Variants in CNTNAP5 observed in about 807,000 individuals in gnomAD.
CNTNAP5 encodes contactin associated protein family member 5, also known as contactin-associated protein-like 5.
Under a neutral mutation model 150.2 loss-of-function variants are expected in CNTNAP5, and 72 were observed. The observed-to-expected ratio is 0.48, with a 90% CI of 0.40 to 0.58. CNTNAP5 has a LOEUF of 0.58. Among genes scored for constraint, CNTNAP5 ranks in the 20% least tolerant of loss-of-function variants. The pLI is 0.00. For missense variants in CNTNAP5, 1,636 were observed against 1,626.2 expected (o/e 1.01, Z -0.10); for synonymous variants, 672 against 619.8 (o/e 1.08, Z -1.25).
chr2:124,225,070 G>A (rs942498181), intron 2 of CNTNAP5, among the ~76,000 whole-genome samples: 10 of 152,152 alleles, frequency 6.6e-5, no homozygotes, highest in African/African-American at 2.4e-4. Context: ...GAATATACAT[G>A]CAGATGTAAA....
intron 6 of CNTNAP5, among the ~76,000 whole-genome samples, chr2:124,448,867 G>T (rs534226719): frequency 1.3e-5 from 2 of 152,166 alleles, no homozygotes; most frequent in Non-Finnish European, 2.9e-5. Context: ...CATAAATTGT[G>T]TGCTACAAGT....
intron 3 of CNTNAP5, among the ~76,000 whole-genome samples, chr2:124,313,799 G>A (rs1688891740): frequency 1.3e-5 from 2 of 152,178 alleles, no homozygotes; most frequent in Admixed American, 1.3e-4. Context: ...CAGGCAGGGG[G>A]AGTGATGGTG....
At chr2:124,780,394 G>A (rs534257151) in intron 17 of CNTNAP5, among the ~76,000 whole-genome samples, 3 of 152,124 alleles carry the variant, frequency 2.0e-5, no homozygotes, top group South Asian at 2.1e-4. Flanking sequence ...CCCTCCCTAC[G>A]CTGGATTTTA....
chr2:124,077,440 T>C (rs1187441545), intron 1 of CNTNAP5, among the ~76,000 whole-genome samples: 1 of 152,216 alleles, frequency 6.6e-6, no homozygotes, highest in East Asian at 1.9e-4. Context: ...ACATTTGTGT[T>C]GTCACAAATT....
Position 124,283,592 on chromosome 2 carries a change from TATTAAA to T in CNTNAP5, c.381+41200_381+41205del, listed in dbSNP as rs1427702870. Among the ~76,000 whole-genome samples the T allele has an allele frequency of 4.6e-5, 7 of 152,336 alleles. No individual in the cohort carries two copies. In the East Asian group the frequency reaches 7.7e-4, roughly 17 times the overall value. On this transcript the variant is annotated intron_variant, in intron 3 of 23. Coordinates refer to ENST00000682447, the MANE Select transcript of CNTNAP5 (RefSeq NM_001367498.1). The stretch of plus-strand genomic sequence containing the variant: ...ATGGAAACCTACTCTGTCTTGGCAA[TATTAAA>T]TTTTTGCTGAGAAGACTTGCCTTGA...
rs751909757 is a variant in CNTNAP5, at chr2:124,747,361, A to G, written c.2210A>G (p.Asn737Ser). Residue 737 changes from asparagine to serine, a missense_variant, in exon 14 of 24, where the codon AAT becomes AGT. Physicochemically the swap from Asn to Ser is conservative, Grantham distance 46. Transcript: ENST00000682447. ...TGCCTGGACATTCAGCACTTTTGCA[A>G]TTGCGACGCTGACAAGGATGAATGG... Reference protein sequence around the residue: ...ESCLDIQHFCNCDADKDEWTN... With the variant: ...ESCLDIQHFCSCDADKDEWTN... 7 of 1,613,678 alleles carry G rather than the reference A, an allele frequency of 4.3e-6. No homozygotes were observed. The highest frequency in any genetic ancestry group is 1.3e-5 in the African/African-American group (1 of 74,912).
intron 17 of CNTNAP5, among the ~76,000 whole-genome samples, chr2:124,774,402 T>A (rs1681276086): frequency 6.6e-6 from 1 of 152,100 alleles, no homozygotes; most frequent in Non-Finnish European, 1.5e-5. Flanking sequence ...GAGGATATCA[T>A]ATTCTCTCTT....
intron 3 of CNTNAP5, among the ~76,000 whole-genome samples, chr2:124,326,306 T>C (rs1573917624): frequency 6.6e-6 from 1 of 152,164 alleles, no homozygotes; most frequent in Non-Finnish European, 1.5e-5. Flanking sequence ...GATTTCAGCA[T>C]GATTTTTAAA....
rs1192564516 is a variant in CNTNAP5 at position 124,204,978 on chromosome 2, TA to T, written c.83-16725del. Among the ~76,000 whole-genome samples the T allele has an allele frequency of 3.9e-5, 6 of 152,146 alleles. No homozygotes were observed. In the East Asian group the frequency reaches 1.2e-3, roughly 29 times the overall value. On this transcript the variant is annotated intron_variant, in intron 1 of 23. Transcript: ENST00000682447. ...TGAGGCCAGGAAGTTCACTAAAATG[TA>T]AGGGCCTAGTGATATGTCCAGACTA...
At chr2:124,847,267 C>A (rs1289400525) in intron 19 of CNTNAP5, among the ~76,000 whole-genome samples, 1 of 152,140 alleles carries the variant, frequency 6.6e-6, no homozygotes, top group Non-Finnish European at 1.5e-5. Flanking sequence ...TTCAGCCTCT[C>A]TTTGGGCAGG....
chr2:124,144,055 G>T (rs1238850787), intron 1 of CNTNAP5, among the ~76,000 whole-genome samples: 1 of 149,808 alleles, frequency 6.7e-6, no homozygotes, highest in Non-Finnish European at 1.5e-5. Context: ...GCTTTAAAGA[G>T]AATAAAATAC....
chr2:124,214,955 A>G (rs1262351793), intron 1 of CNTNAP5, among the ~76,000 whole-genome samples: 1 of 152,156 alleles, frequency 6.6e-6, no homozygotes, highest in East Asian at 1.9e-4. Context: ...ATTATGAAGT[A>G]ATGTATCTTT....
In CNTNAP5 at chr2:124,423,490, A is replaced by ATATGGGAAGC. The variant is rs1692161770; in HGVS notation, c.529+5903_529+5912dup. Among the ~76,000 whole-genome samples, 3 of 151,912 alleles carry ATATGGGAAGC rather than the reference A, an allele frequency of 2.0e-5. No individual in the cohort carries two copies. In the South Asian group the frequency reaches 6.2e-4, roughly 32 times the overall value. ...GGGGCTTCCATTTGAATTTCTTTAA[A>ATATGGGAAGC]TATGGGAAGCTAATTAACTTTATTT... On this transcript the variant is annotated intron_variant, in intron 4 of 23. Coordinates refer to ENST00000682447, the MANE Select transcript of CNTNAP5 (RefSeq NM_001367498.1).
At chr2:124,755,947 T>A (rs1392810854) in intron 14 of CNTNAP5, among the ~76,000 whole-genome samples, 5 of 152,166 alleles carry the variant, frequency 3.3e-5, no homozygotes, top group Non-Finnish European at 7.4e-5. Flanking sequence ...TCATTTAGCG[T>A]CTCTGAGCTT....
intron 3 of CNTNAP5, among the ~76,000 whole-genome samples, chr2:124,408,868 G>T (rs572809122): frequency 3.3e-5 from 5 of 152,154 alleles, no homozygotes; most frequent in Non-Finnish European, 5.9e-5. Flanking sequence ...CACCAGCAAC[G>T]GAACAAAGCT....
chr2:124,476,199 T>C (rs1402246679), intron 7 of CNTNAP5, among the ~76,000 whole-genome samples: 2 of 152,194 alleles, frequency 1.3e-5, no homozygotes, highest in African/African-American at 2.4e-5. Flanking sequence ...TAGGCAATTA[T>C]ATTTTTAGAA....
rs368172949 is a variant in CNTNAP5 at position 124,704,188 on chromosome 2, C to T, written c.2078-43041C>T. ...TCCAAAGATTGCACTGGGAGTGGGG[C>T]GACCTAACCCACAAAGATAGAACTG... On this transcript the variant is annotated intron_variant, in intron 13 of 23. Transcript: ENST00000682447. Among the ~76,000 whole-genome samples the T allele has an allele frequency of 3.3e-5, 5 of 152,232 alleles. No individual in the cohort carries two copies. The East Asian group carries it at 5.8e-4, about 18-fold the overall frequency.
chr2:124,660,448 G>A (rs547241643), intron 13 of CNTNAP5, among the ~76,000 whole-genome samples: 2 of 152,146 alleles, frequency 1.3e-5, no homozygotes, highest in East Asian at 3.9e-4. Context: ...TATAGCACAA[G>A]CCACATGGGC....
chr2:124,377,646 G>T (rs1409346697), intron 3 of CNTNAP5, among the ~76,000 whole-genome samples: 1 of 147,804 alleles, frequency 6.8e-6, no homozygotes, highest in Non-Finnish European at 1.5e-5. Flanking sequence ...TTGTACTCCA[G>T]CCTAAGCAAC....
Sources: gnomAD v4.1 joint callset for allele counts (sites outside exome capture counted in the v4.1 genomes callset) on GRCh38, gnomAD v4.1.1 for gene constraint, MANE v1.5 for transcripts, NCBI Gene and HGNC (gene_info 2026-07-23, HGNC 2026-07-21) for gene names.